EML1: variants seen among roughly 807,000 people sequenced by gnomAD.
EML1 encodes the protein EMAP like 1, also known as echinoderm microtubule-associated protein-like 1.
In EML1, 27 loss-of-function variants were observed where a neutral mutation model predicts 110.4. That is an observed-to-expected ratio of 0.24 (90% confidence interval 0.18 to 0.34). The LOEUF (loss-of-function observed/expected upper bound fraction) is 0.34. Among genes scored for constraint, EML1 ranks in the 10% least tolerant of loss-of-function variants. The pLI, the probability that EML1 is intolerant of heterozygous loss-of-function variation, is 1.00. For missense variants in EML1, 741 were observed against 1,030.9 expected (o/e 0.72, Z 3.85); for synonymous variants, 344 against 385.8 (o/e 0.89, Z 1.27).
intron 1 of EML1, among the ~76,000 whole-genome samples, chr14:99,779,743 C>T (rs2140213393): frequency 6.6e-6 from 1 of 152,354 alleles, no homozygotes; most frequent in East Asian, 1.9e-4. Context: ...GGGGTGAGGT[C>T]TGATCATTCA....
At chr14:99,892,136 T>A (rs1340109961) in intron 5 of EML1, 1 of 985,284 alleles carries the variant, frequency 1.0e-6, no homozygotes, top group Non-Finnish European at 1.2e-6. Flanking sequence ...TCTCTTTATC[T>A]AGCCCTTCTG....
chr14:99,862,504 C>T (rs944875584), intron 2 of EML1, among the ~76,000 whole-genome samples: 5 of 152,086 alleles, frequency 3.3e-5, no homozygotes, highest in Admixed American at 1.3e-4. Context: ...GGGATTTGTC[C>T]GTTCTCTTCA....
chr14:99,936,775 C>T lies in EML1; in HGVS notation c.2095+441C>T, dbSNP rs1246350483. On this transcript the variant is annotated intron_variant, in intron 19 of 21. Coordinates refer to ENST00000262233, the MANE Select transcript of EML1 (RefSeq NM_004434.3). This position sits in a 1 kb window ranked among gnomAD's most constrained non-coding sequence, Gnocchi z 5.5. ...CGGCAGCCCTGGGACCCCTCCTCCT[C>T]CCCTCCCAACCTGACCCTGGCCAGT... Among the ~76,000 whole-genome samples the T allele has an allele frequency of 6.6e-6, 1 of 152,174 alleles. No homozygotes were observed.
intron 1 of EML1, among the ~76,000 whole-genome samples, chr14:99,814,353 A>G (rs541696326): frequency 3.9e-5 from 6 of 152,232 alleles, no homozygotes; most frequent in African/African-American, 1.4e-4. Flanking sequence ...CTGGCTCACT[A>G]TAATCTCGAA....
At chr14:99,772,696 A>G (rs943086363), upstream of EML1, among the ~76,000 whole-genome samples, 22 of 152,260 alleles carry the variant, frequency 1.4e-4, no homozygotes, top group Non-Finnish European at 2.9e-5. Flanking sequence ...CAAAAGGTTC[A>G]TGAATCAATA....
chr14:99,836,775 T>C (rs970895915), intron 1 of EML1, among the ~76,000 whole-genome samples: 7 of 152,122 alleles, frequency 4.6e-5, no homozygotes, highest in African/African-American at 1.7e-4. Context: ...TATTTCGAGC[T>C]TTGTACTGGG....
chr14:99,910,439 G>C (rs2180993), intron 12 of EML1, 98 bp downstream of exon 12: 4 of 924,110 alleles, frequency 4.3e-6, no homozygotes, highest in African/African-American at 1.7e-5. Flanking sequence ...CAACGTACAG[G>C]AGTAGGATGA....
chr14:99,851,370 C>T (rs902351341), intron 2 of EML1, among the ~76,000 whole-genome samples: 1 of 151,862 alleles, frequency 6.6e-6, no homozygotes, highest in African/African-American at 2.4e-5. Flanking sequence ...TGCAGTGGCG[C>T]GATCTGGGCT....
At chr14:99,810,384 C>T (rs1389451961) in intron 1 of EML1, among the ~76,000 whole-genome samples, 4 of 152,236 alleles carry the variant, frequency 2.6e-5, no homozygotes, top group Admixed American at 6.5e-5. Context: ...TGACACTTCA[C>T]ATGAGTGTAA....
At chr14:99,910,210 T>A in intron 11 of EML1, 32 bp from the exon 12 acceptor site, 2 of 1,406,688 alleles carry the variant, frequency 1.4e-6, no homozygotes, top group Middle Eastern at 2.4e-4. Context: ...ATGGATTAAA[T>A]ATATATATAA....
At chr14:99,921,075 GC>G (rs1261742059) in intron 17 of EML1, among the ~76,000 whole-genome samples, 198 bp downstream of exon 17, 8 of 147,754 alleles carry the variant, frequency 5.4e-5, no homozygotes, top group Non-Finnish European at 8.9e-5. Flanking sequence ...CCTCCCCCTC[GC>G]CCCCCTCCAA....
chr14:99,876,156 G>A (rs1454771004), intron 3 of EML1, among the ~76,000 whole-genome samples: 1 of 145,520 alleles, frequency 6.9e-6, no homozygotes, highest in South Asian at 2.5e-4. Context: ...GGGAAGGAAG[G>A]AAGAGAGGAG....
upstream of EML1, among the ~76,000 whole-genome samples, chr14:99,791,451 C>G (rs528873103): frequency 6.6e-6 from 1 of 152,348 alleles, no homozygotes; most frequent in African/African-American, 2.4e-5. Context: ...GGCTGTACCC[C>G]AGCCCCTGTC....
At chr14:99,792,958 C>T (rs1173046888), upstream of EML1, 1 of 152,076 alleles carries the variant, frequency 6.6e-6, no homozygotes, top group African/African-American at 2.4e-5. Flanking sequence ...GCGGGAACAG[C>T]GCGTCGGGGG....
intron 1 of EML1, among the ~76,000 whole-genome samples, chr14:99,778,070 T>G (rs1324432515): frequency 3.3e-5 from 5 of 152,128 alleles, no homozygotes; most frequent in African/African-American, 1.2e-4. Flanking sequence ...CAGGCATGAG[T>G]CACCAATTTG....
At chr14:99,850,190 C>A in intron 1 of EML1, 1 of 872,082 alleles carries the variant, frequency 1.1e-6, no homozygotes, top group Non-Finnish European at 1.6e-6. Flanking sequence ...CTGCCTACCT[C>A]AGCCTCCCAA....
intron 6 of EML1, among the ~76,000 whole-genome samples, chr14:99,895,805 T>C (rs938872644): frequency 6.7e-5 from 10 of 149,166 alleles, no homozygotes; most frequent in African/African-American, 2.0e-4. Context: ...ATCCCTGTAG[T>C]CCCAGCTGTT....
chr14:99,793,460 G>T lies in EML1; in HGVS notation c.-17G>T. 9.6e-7 allele frequency: 1 copy of T among 1,045,948 alleles called. No individual in the cohort carries two copies. Among genetic ancestry groups the T allele is most frequent in the Non-Finnish European group, 1.2e-6 (1 of 867,830 alleles). The allele number at this position is 1,045,948 out of a possible 1,614,324, so 64.8% of individuals were successfully genotyped here. ...CGCGGCCGGGCCGGGGAGCGGGCGC[G>T]GCCCGGCGGCCTCAGCATGGAGGAC... On this transcript the variant is annotated 5_prime_UTR_variant, in exon 1 of 22. Coordinates refer to ENST00000262233, the MANE Select transcript of EML1 (RefSeq NM_004434.3).
intron 4 of EML1, chr14:99,886,097 T>G (rs1267644822): frequency 3.8e-6 from 1 of 262,832 alleles, no homozygotes; most frequent in Admixed American, 5.2e-5. Context: ...AAAAGCTGCT[T>G]AAGGACAATT....
Sources: gnomAD v4.1 joint callset for allele counts (sites outside exome capture counted in the v4.1 genomes callset) on GRCh38, gnomAD v4.1.1 for gene constraint, Gnocchi (gnomAD v3.1) non-coding constraint, MANE v1.5 for transcripts, NCBI Gene and HGNC (gene_info 2026-07-23, HGNC 2026-07-21) for gene names.